Variants in SOAT2 observed in about 807,000 individuals in gnomAD.
The protein encoded by SOAT2 is ACAT-2.
Under a neutral mutation model 76.0 loss-of-function variants are expected in SOAT2, and 87 were observed. That is an observed-to-expected ratio of 1.14 (90% CI 0.96 to 1.37). The LOEUF is 1.37. SOAT2 is among the 40% of genes most tolerant of loss of function. The probability of loss-of-function intolerance (pLI) is 0.00; values close to 1 mark genes in which losing one functional copy is unlikely to be tolerated. For synonymous variants in SOAT2, 285 were observed against 275.4 expected (o/e 1.03, Z -0.34); for missense variants, 686 against 682.1 (o/e 1.01, Z -0.06).
At chr12:53,107,659 G>A (rs994266952) in intron 5 of SOAT2, among the ~76,000 whole-genome samples, 4 of 128,264 alleles carry the variant, frequency 3.1e-5, no homozygotes, top group South Asian at 2.2e-4. Context: ...GTCTTGGTCC[G>A]TTGCCCAGGC....
rs921950351 is a variant in SOAT2 at position 53,124,207 on chromosome 12, T to A, written c.*84T>A. ...CTGGGACCAGGACTCCTGTCTGCAT[T>A]CCCAAATTTGGCTCTGAGTCGAGGC... On this transcript the variant is annotated 3_prime_UTR_variant, in exon 15 of 15. Coordinates refer to ENST00000301466, the MANE Select transcript of SOAT2 (RefSeq NM_003578.4). 4 of 1,507,246 alleles carry A rather than the reference T, an allele frequency of 2.7e-6. No individual in the cohort carries two copies. The highest frequency in any genetic ancestry group is 2.3e-5 in the East Asian group (1 of 44,322). The allele number at this position is 1,507,246 out of a possible 1,614,324, so 93.4% of individuals were successfully genotyped here.
In SOAT2 at chr12:53,115,497, C is replaced by T. The variant is rs757528139; in HGVS notation, c.551C>T (p.Ala184Val). 1 of 1,610,002 alleles carries T rather than the reference C, an allele frequency of 6.2e-7. No homozygotes were observed. The highest frequency in any genetic ancestry group is 8.5e-7 in the Non-Finnish European group (1 of 1,179,612). The change falls in exon 6 of 15, where the codon GCC becomes GTC. Residue 184 changes from alanine to valine, a missense_variant. By Grantham distance (64) the Ala-to-Val change is moderately conservative. Coordinates refer to ENST00000301466, the MANE Select transcript of SOAT2 (RefSeq NM_003578.4). ...TCCACCCTGTTGGCGCCGTACCAGG[C>T]CCTACGGCTGTGGGCCAGGGGCACC... ...FLSTLLAPYQ[A>V]LRLWARGTWT...
rs1938187481 is a variant in SOAT2, at chr12:53,121,421, C to T, written c.1236+20C>T. Reference sequence around the variant, plus strand: ...CTGCGGGTATGGGCCCTGCAGACCCCTTCAGCTCTCACAGTTAATAGGGGC... The same window carrying T: ...CTGCGGGTATGGGCCCTGCAGACCCTTTCAGCTCTCACAGTTAATAGGGGC... On this transcript the variant is annotated intron_variant, in intron 12 of 14. Coordinates refer to ENST00000301466, the MANE Select transcript of SOAT2 (RefSeq NM_003578.4). The T allele has an allele frequency of 6.3e-7, 1 of 1,583,900 alleles. No individual in the cohort carries two copies. Among genetic ancestry groups the T allele is most frequent in the East Asian group, 2.2e-5 (1 of 44,776 alleles).
chr12:53,105,544 C>T lies in SOAT2; in HGVS notation c.276-17C>T, dbSNP rs768165739. On this transcript the variant is annotated splice_polypyrimidine_tract_variant and intron_variant, in intron 3 of 14. Transcript: ENST00000301466. ...CCATTTACTTTTTCCTGACCCTGAA[C>T]AAACATCTCAATTCAGGACCCAGGA... 30 of 1,608,632 alleles carry T rather than the reference C, an allele frequency of 1.9e-5. No homozygotes were observed. Among genetic ancestry groups the T allele is most frequent in the Non-Finnish European group, 2.5e-5 (29 of 1,176,670 alleles).
chr12:53,113,383 G>A (rs1290934158), intron 5 of SOAT2, among the ~76,000 whole-genome samples: 1 of 152,218 alleles, frequency 6.6e-6, no homozygotes, highest in Non-Finnish European at 1.5e-5. Flanking sequence ...AGTAGTGAAA[G>A]GGACGTGCAG....
chr12:53,118,443 C>A lies in SOAT2; in HGVS notation c.863+9C>A. The A allele has an allele frequency of 1.9e-6, 3 of 1,599,574 alleles. No individual in the cohort carries two copies. Among genetic ancestry groups the A allele is most frequent in the Non-Finnish European group, 1.7e-6 (2 of 1,166,906 alleles). On this transcript the variant is annotated intron_variant, in intron 8 of 14. Transcript: ENST00000301466. ...AGGGAGACTTACCCTAGGTAAGACCCTGCACTCCTTCCCCAAATGCCCAGG... is the reference window on the plus strand; with the variant it reads ...AGGGAGACTTACCCTAGGTAAGACCATGCACTCCTTCCCCAAATGCCCAGG...
chr12:53,120,043 T>C (rs1442788009), intron 10 of SOAT2, among the ~76,000 whole-genome samples: 2 of 152,160 alleles, frequency 1.3e-5, no homozygotes, highest in African/African-American at 2.4e-5. Flanking sequence ...GATGAATAAA[T>C]GAATGCATGA....
chr12:53,113,555 A>G (rs1938056527), intron 5 of SOAT2, among the ~76,000 whole-genome samples: 1 of 152,164 alleles, frequency 6.6e-6, no homozygotes, highest in Non-Finnish European at 1.5e-5. Context: ...CCCAGGTCAA[A>G]CTGAAGGTTG....
chr12:53,118,168 G>C (rs193114238), intron 7 of SOAT2, among the ~76,000 whole-genome samples, 182 bp from the exon 8 acceptor site: 2 of 151,844 alleles, frequency 1.3e-5, no homozygotes, highest in Non-Finnish European at 2.9e-5. Context: ...AGCCAGTTCC[G>C]CTCCTGCCCA....
chr12:53,115,552 G>C lies in SOAT2; in HGVS notation c.606G>C (p.Ala202=). 1 of 1,594,828 alleles carries C rather than the reference G, an allele frequency of 6.3e-7. No homozygotes were observed. Among genetic ancestry groups the C allele is most frequent in the Non-Finnish European group, 8.5e-7 (1 of 1,175,882 alleles). ...TWTQATGLGC[A]LLAAHAVVLC... ...CGCAGGCGACGGGCCTGGGCTGTGC[G>C]CTGCTAGCCGCCCACGCCGTGGTGC... The change falls in exon 6 of 15, where the codon GCG becomes GCC. Residue 202 remains alanine (A), a synonymous_variant. Coordinates refer to ENST00000301466, the MANE Select transcript of SOAT2 (RefSeq NM_003578.4).
At chr12:53,104,998 T>TA (rs1937907718) in intron 2 of SOAT2, 109 bp from the exon 3 acceptor site, 3 of 1,262,814 alleles carry the variant, frequency 2.4e-6, no homozygotes, top group East Asian at 2.9e-5. Flanking sequence ...GTTTTTTTTT[T>TA]TAAAAAAAGC....
rs113591060 is a variant in SOAT2, at chr12:53,121,869, C to T, written c.1236+468C>T. 4.0e-3 allele frequency among the ~76,000 whole-genome samples: 524 copies of T among 130,976 alleles called. 3 individuals are homozygous for T. The highest frequency in any genetic ancestry group is 0.015 in the African/African-American group (483 of 33,042). The allele number at this position is 130,976 out of a possible 152,430, so 85.9% of individuals were successfully genotyped here. ...TTGCCCAGGCTGGAGTAGAGTGGCACGATCTTGGCTCACCTGCAACCTCTG... is the reference window on the plus strand; with the variant it reads ...TTGCCCAGGCTGGAGTAGAGTGGCATGATCTTGGCTCACCTGCAACCTCTG... On this transcript the variant is annotated intron_variant, in intron 12 of 14. Transcript: ENST00000301466.
At chr12:53,121,501 A>ACCTAAGGG in intron 12 of SOAT2, 100 bp downstream of exon 12, 1 of 978,020 alleles carries the variant, frequency 1.0e-6, no homozygotes, top group South Asian at 1.4e-5. Context: ...TACACCACTC[A>ACCTAAGGG]CCTAAGGGCC....
intron 5 of SOAT2, among the ~76,000 whole-genome samples, chr12:53,115,115 C>G (rs1357298853): frequency 6.6e-6 from 1 of 152,192 alleles, no homozygotes; most frequent in Admixed American, 6.5e-5. Flanking sequence ...TACCTCATAT[C>G]CTAACATGTG....
At position 53,122,955 on chromosome 12, in the gene SOAT2, C is replaced by T. The variant is rs1466102978; in HGVS notation, c.1237-126C>T. On this transcript the variant is annotated intron_variant, in intron 12 of 14. Transcript: ENST00000301466. ...CTCCCGGACGGGGCGGCTGGCCGGG[C>T]GGGGGGCTGACCCCCCCACCTCCCT... is the stretch of plus-strand genomic sequence containing the variant. 11 of 1,048,492 alleles carry T rather than the reference C, an allele frequency of 1.0e-5. No homozygotes were observed. The East Asian group carries it at 1.9e-4, about 18-fold the overall frequency. 64.9% of individuals were successfully genotyped at this position (1,048,492 alleles called of 1,614,324 possible).
chr12:53,121,297 C>G lies in SOAT2; in HGVS notation c.1138-6C>G. 6.2e-7 allele frequency: 1 copy of G among 1,611,140 alleles called. No individual in the cohort carries two copies. ...CTTTCCCCCACTCTGACCCCACCTT[C>G]TCCAGGACTGGTGGAACTCAACGTC... is the stretch of plus-strand genomic sequence containing the variant. On this transcript the variant is annotated splice_region_variant and splice_polypyrimidine_tract_variant and intron_variant, in intron 11 of 14. Coordinates refer to ENST00000301466, the MANE Select transcript of SOAT2 (RefSeq NM_003578.4).
chr12:53,111,359 G>A (rs1033617900), intron 5 of SOAT2, among the ~76,000 whole-genome samples: 11 of 151,982 alleles, frequency 7.2e-5, no homozygotes, highest in South Asian at 2.1e-4. Flanking sequence ...TGCCTGCCTC[G>A]GCCTCCCAAA....
chr12:53,121,037 C>G (rs956939807), intron 11 of SOAT2, among the ~76,000 whole-genome samples, 154 bp downstream of exon 11: 1 of 152,210 alleles, frequency 6.6e-6, no homozygotes, highest in Non-Finnish European at 1.5e-5. Context: ...TATAATGCCA[C>G]CCCTCCACCT....
intron 5 of SOAT2, among the ~76,000 whole-genome samples, chr12:53,107,276 T>G (rs1937950014): frequency 1.3e-5 from 2 of 151,032 alleles, no homozygotes; most frequent in African/African-American, 4.9e-5. Context: ...AGCAGTGGAG[T>G]GGAAGAGGTT....
Sources: gnomAD v4.1 joint callset for allele counts (sites outside exome capture counted in the v4.1 genomes callset) on GRCh38, gnomAD v4.1.1 for gene constraint, MANE v1.5 for transcripts, NCBI Gene and HGNC (gene_info 2026-07-23, HGNC 2026-07-21) for gene names.